Variants in CNTNAP2 observed in about 807,000 individuals in gnomAD.
The protein encoded by CNTNAP2 is contactin associated protein 2.
In CNTNAP2, 98 loss-of-function variants were observed where a neutral mutation model predicts 155.2. The observed-to-expected ratio is 0.63, with a 90% CI of 0.54 to 0.75. The LOEUF (loss-of-function observed/expected upper bound fraction) is 0.75, where lower values mean the gene tolerates loss of function less well. CNTNAP2 is among the 30% of genes least tolerant of loss of function. The pLI is 0.00. For missense variants in CNTNAP2, 1,727 were observed against 1,688.1 expected (o/e 1.02, Z -0.40); for synonymous variants, 651 against 631.2 (o/e 1.03, Z -0.47).
chr7:147,657,581 T>A (rs78294461), intron 13 of CNTNAP2, among the ~76,000 whole-genome samples: 64 of 152,204 alleles, frequency 4.2e-4, no homozygotes, highest in African/African-American at 1.5e-3. Context: ...ACAAAGCAAT[T>A]CCAGTAAGAT....
At chr7:147,818,366 C>T (rs1178088537) in intron 13 of CNTNAP2, among the ~76,000 whole-genome samples, 1 of 152,130 alleles carries the variant, frequency 6.6e-6, no homozygotes, top group Non-Finnish European at 1.5e-5. Context: ...TTACCCTACT[C>T]CATAATTTGC....
chr7:147,217,906 A>G (rs189824130), intron 8 of CNTNAP2, among the ~76,000 whole-genome samples: 5 of 151,940 alleles, frequency 3.3e-5, no homozygotes, highest in African/African-American at 1.2e-4. Context: ...GGTTAATTTC[A>G]TCTAGGTTAT....
At chr7:147,001,932 T>TGGAAATTAAAAATAAGACATG (rs1798432083) in intron 3 of CNTNAP2, among the ~76,000 whole-genome samples, 1 of 151,912 alleles carries the variant, frequency 6.6e-6, no homozygotes, top group Non-Finnish European at 1.5e-5. Context: ...AAATAGTGTT[T>TGGAAATTAAAAATAAGACATG]GGAAATTAAA....
At chr7:148,306,187 A>G (rs1797488456) in intron 21 of CNTNAP2, among the ~76,000 whole-genome samples, 1 of 152,132 alleles carries the variant, frequency 6.6e-6, no homozygotes, top group African/African-American at 2.4e-5. Flanking sequence ...ATTCAATGCC[A>G]TTTTCATTCT....
At chr7:148,247,655 A>T (rs143379902) in intron 20 of CNTNAP2, among the ~76,000 whole-genome samples, 23,920 of 126,890 alleles carry the variant, frequency 0.19, 2,631 homozygotes, top group Non-Finnish European at 0.21. Flanking sequence ...TTATTTATTT[A>T]TTTATTTATT....
At chr7:147,708,550 T>C (rs1796352878) in intron 13 of CNTNAP2, among the ~76,000 whole-genome samples, 1 of 152,088 alleles carries the variant, frequency 6.6e-6, no homozygotes. Flanking sequence ...GAGCAATGCC[T>C]TCACTTGGTC....
intron 13 of CNTNAP2, chr7:147,643,489 C>T (rs1467261348): frequency 6.6e-6 from 1 of 152,052 alleles, no homozygotes; most frequent in African/African-American, 2.4e-5. Context: ...AGAAAGAACA[C>T]AATTTAATAA....
chr7:147,592,377 T>C (rs1349418231), intron 12 of CNTNAP2, among the ~76,000 whole-genome samples: 1 of 151,936 alleles, frequency 6.6e-6, no homozygotes, highest in Non-Finnish European at 1.5e-5. Context: ...CATGGTATAA[T>C]TATGACAATA....
chr7:148,402,914 A>C (rs1055195309), intron 22 of CNTNAP2, among the ~76,000 whole-genome samples: 1 of 151,070 alleles, frequency 6.6e-6, no homozygotes, highest in Non-Finnish European at 1.5e-5. Context: ...TAGATATTTC[A>C]ATTTATTTTT....
chr7:146,192,064 A>G (rs150712865), intron 1 of CNTNAP2, among the ~76,000 whole-genome samples: 260 of 152,324 alleles, frequency 1.7e-3, no homozygotes, highest in African/African-American at 6.0e-3. Flanking sequence ...GATTGCAGAA[A>G]GACAGGTGTA....
chr7:146,611,969 A>G (rs1228357658), intron 1 of CNTNAP2, among the ~76,000 whole-genome samples: 1 of 152,176 alleles, frequency 6.6e-6, no homozygotes, highest in African/African-American at 2.4e-5. Flanking sequence ...TATACATAAC[A>G]TATAAAAGGT....
At position 147,862,672 on chromosome 7, in the gene CNTNAP2, CAT is replaced by C. The variant is rs910280273; in HGVS notation, c.2099-40890_2099-40889del. ...ACACACACATATACACATACACACA[CAT>C]ATGATTGTTTTGTCATTGTACCTTG... On this transcript the variant is annotated intron_variant, in intron 13 of 23. Transcript: ENST00000361727. Among the ~76,000 whole-genome samples the C allele has an allele frequency of 3.3e-4, 50 of 152,120 alleles. 1 individual carries two copies. The highest frequency in any genetic ancestry group is 1.0e-3 in the African/African-American group (42 of 41,496).
intron 20 of CNTNAP2, among the ~76,000 whole-genome samples, chr7:148,245,954 C>T (rs1189794762): frequency 3.3e-5 from 5 of 152,198 alleles, no homozygotes; most frequent in African/African-American, 9.6e-5. Flanking sequence ...ACTTCTGGAA[C>T]GAGCTCCAAA....
intron 15 of CNTNAP2, among the ~76,000 whole-genome samples, chr7:148,104,655 A>T (rs752709516): frequency 1.3e-5 from 2 of 152,224 alleles, no homozygotes; most frequent in Non-Finnish European, 2.9e-5. Context: ...GGTAAGAGAA[A>T]TTAGATGCCA....
At chr7:146,993,262 G>A (rs993824077) in intron 3 of CNTNAP2, among the ~76,000 whole-genome samples, 5 of 152,140 alleles carry the variant, frequency 3.3e-5, no homozygotes, top group African/African-American at 1.2e-4. Flanking sequence ...TTCTTGCCTT[G>A]GGGTGGGCTG....
chr7:147,013,282 T>A (rs1399560373), intron 3 of CNTNAP2, among the ~76,000 whole-genome samples: 1 of 152,082 alleles, frequency 6.6e-6, no homozygotes, highest in Non-Finnish European at 1.5e-5. Context: ...GCAGTTGTGG[T>A]GTACTAAATA....
At chr7:147,110,048 C>T (rs1271609367) in intron 5 of CNTNAP2, among the ~76,000 whole-genome samples, 1 of 152,052 alleles carries the variant, frequency 6.6e-6, no homozygotes, top group African/African-American at 2.4e-5. Context: ...CCTCAGCCTC[C>T]CGAGTAGCTG....
intron 1 of CNTNAP2, among the ~76,000 whole-genome samples, chr7:146,751,378 G>T (rs973113460): frequency 6.6e-6 from 1 of 152,026 alleles, no homozygotes; most frequent in African/African-American, 2.4e-5. Flanking sequence ...TTTACATATT[G>T]TTAGACTGTT....
chr7:147,305,609 C>CA (rs1795013211), intron 9 of CNTNAP2, among the ~76,000 whole-genome samples: 1 of 151,952 alleles, frequency 6.6e-6, no homozygotes, highest in Non-Finnish European at 1.5e-5. Flanking sequence ...ATTGTTCTCC[C>CA]AAAAAGAAAA....
Sources: gnomAD v4.1 joint callset for allele counts (sites outside exome capture counted in the v4.1 genomes callset) on GRCh38, gnomAD v4.1.1 for gene constraint, MANE v1.5 for transcripts, NCBI Gene and HGNC (gene_info 2026-07-23, HGNC 2026-07-21) for gene names.